The following OTOF variants were observed in gnomAD, a reference collection of about 807,000 sequenced individuals.
OTOF encodes fer-1-like family member 2.
OTOF carries 218 observed loss-of-function variants against 236.8 expected under a neutral mutation model. That is an observed-to-expected ratio of 0.92 (90% CI 0.82 to 1.03). The LOEUF is 1.03. OTOF is among the 50% of genes least tolerant of loss of function. OTOF has a pLI of 0.00. For synonymous variants in OTOF, 1,041 were observed against 1,072.5 expected, an observed-to-expected ratio of 0.97 and a Z score of 0.57; for missense variants, 2,590 against 2,694.4, an observed-to-expected ratio of 0.96 and a Z score of 0.86.
Position 26,473,294 on chromosome 2 carries a change from C to A in OTOF, c.3571G>T (p.Asp1191Tyr), listed in dbSNP as rs772807679. The change falls in exon 29 of 47, where the codon GAC (aspartate) becomes TAC (tyrosine). Residue 1191 changes from aspartate (D) to tyrosine (Y), a missense_variant and splice_region_variant. By Grantham distance (160) the Asp-to-Tyr change is radical (BLOSUM62 -3). Coordinates refer to ENST00000272371, the MANE Select transcript of OTOF (RefSeq NM_194248.3). The surrounding 1 kb of genome is among the most constrained non-coding windows in gnomAD (Gnocchi z 7.2). ...TGCAGCAGCTCGTTCTCTGGGAGGT[C>A]CTGGGGTGTTGGCGACAGGAGCCTG... ...FNTLVKWFEV[D>Y]LPENELLHPP... 8 of 1,613,240 alleles carry A rather than the reference C, an allele frequency of 5.0e-6. No homozygotes were observed. The Admixed American group carries it at 1.3e-4, about 27-fold the overall frequency.
chr2:26,477,352 G>A lies in OTOF; in HGVS notation c.2406+64C>T. On this transcript the variant is annotated intron_variant, in intron 20 of 46. Coordinates refer to ENST00000272371, the MANE Select transcript of OTOF (RefSeq NM_194248.3). The surrounding 1 kb of genome is among the most constrained non-coding windows in gnomAD (Gnocchi z 4.7). ...GGACAGCTCGGGCCATGACAAAGGG[G>A]GTTGTGACACCTTCTCACAACCAGG... The A allele has an allele frequency of 2.5e-6, 4 of 1,582,840 alleles. No homozygotes were observed. Among genetic ancestry groups the A allele is most frequent in the Non-Finnish European group, 3.4e-6 (4 of 1,160,722 alleles).
intron 5 of OTOF, among the ~76,000 whole-genome samples, chr2:26,506,985 GTC>G (rs1666265367): frequency 6.6e-6 from 1 of 152,314 alleles, no homozygotes; most frequent in South Asian, 2.1e-4. Flanking sequence ...GTGAGACTCT[GTC>G]TCAAACAAAC....
rs1665095305 is a variant in OTOF, at chr2:26,473,419, T to C, written c.3557A>G (p.Lys1186Arg). The change falls in exon 28 of 47, where the codon AAG becomes AGG. Residue 1186 changes from lysine to arginine, a missense_variant. Lys to Arg is a conservative substitution (Grantham distance 26, BLOSUM62 2). Coordinates refer to ENST00000272371, the MANE Select transcript of OTOF (RefSeq NM_194248.3). This position sits in a 1 kb window ranked among gnomAD's most constrained non-coding sequence, Gnocchi z 7.2. ...GCCTGCACTCACCACTTCAAACCAC[T>C]TGACGAGGGTGTTGAAGTTGGGGTT... ...KKNPNFNTLV[K>R]WFEVDLPENE... is the part of the protein sequence containing the mutation. 6.2e-7 allele frequency: 1 copy of C among 1,613,418 alleles called. No homozygotes were observed. Among genetic ancestry groups the C allele is most frequent in the Non-Finnish European group, 8.5e-7 (1 of 1,179,984 alleles).
intron 15 of OTOF, 43 bp from the exon 16 acceptor site, chr2:26,480,354 G>T: frequency 8.1e-7 from 1 of 1,235,112 alleles, no homozygotes; most frequent in Non-Finnish European, 1.2e-6. Flanking sequence ...TTGAGTAAGG[G>T]TGGCAGGTCG....
At position 26,482,482 on chromosome 2, in the gene OTOF, G is replaced by C; in HGVS notation, c.1503C>G (p.Asp501Glu). ...LCKRMKVQIRDSDKVNDVAIG... is the reference protein window; with the variant it reads ...LCKRMKVQIRESDKVNDVAIG... ...TGGCCACGTCGTTGACCTTGTCCGA[G>C]TCTCGGATCTGCACCTTCATGCGTT... The change falls in exon 14 of 47, where the codon GAC (aspartate) becomes GAG (glutamate). Residue 501 changes from aspartate (D) to glutamate (E), a missense_variant. Coordinates refer to ENST00000272371, the MANE Select transcript of OTOF (RefSeq NM_194248.3). 6.2e-7 allele frequency: 1 copy of C among 1,613,392 alleles called. No individual in the cohort carries two copies. The highest frequency in any genetic ancestry group is 8.5e-7 in the Non-Finnish European group (1 of 1,180,008).
intron 1 of OTOF, among the ~76,000 whole-genome samples, chr2:26,545,434 T>G (rs1330627507): frequency 6.6e-6 from 1 of 152,214 alleles, no homozygotes; most frequent in Non-Finnish European, 1.5e-5. Flanking sequence ...TGTGAATATT[T>G]TCTTCCTGTG....
At chr2:26,514,655 T>A (rs1162798574) in intron 5 of OTOF, among the ~76,000 whole-genome samples, 1 of 152,214 alleles carries the variant, frequency 6.6e-6, no homozygotes, top group Non-Finnish European at 1.5e-5. Context: ...GGGAGCCAGA[T>A]GTAACTTGCT....
At chr2:26,504,089 G>C (rs1260695238) in intron 5 of OTOF, among the ~76,000 whole-genome samples, 1 of 152,096 alleles carries the variant, frequency 6.6e-6, no homozygotes, top group African/African-American at 2.4e-5. Flanking sequence ...GGAGGAGAGG[G>C]ATGGGGTCCC....
chr2:26,558,636 G>T lies in OTOF; in HGVS notation c.-65C>A. ...GGGAAGGAGCTAGCCGGTGGAGCAC[G>T]GCTCACACGCCTCTCTCTTCTCTGC... On this transcript the variant is annotated 5_prime_UTR_variant, in exon 1 of 47. Transcript: ENST00000272371. The T allele has an allele frequency of 7.4e-7, 1 of 1,345,970 alleles. No individual in the cohort carries two copies. The highest frequency in any genetic ancestry group is 1.1e-6 in the Non-Finnish European group (1 of 938,626). 83.4% of individuals were successfully genotyped at this position (1,345,970 alleles called of 1,614,324 possible). A position where few individuals can be genotyped will look rare whatever the true frequency, so the allele number is the denominator to read the frequency against.
chr2:26,460,304 G>T lies in OTOF; in HGVS notation c.5814-99C>A. 1 of 1,001,048 alleles carries T rather than the reference G, an allele frequency of 1.0e-6. No homozygotes were observed. Among genetic ancestry groups the T allele is most frequent in the Non-Finnish European group, 1.5e-6 (1 of 651,260 alleles). 62.0% of individuals were successfully genotyped at this position (1,001,048 alleles called of 1,614,324 possible). A position where few individuals can be genotyped will look rare whatever the true frequency, so the allele number is the denominator to read the frequency against. ...ACCAAGAGGGAAGCTGTCCTGGGCT[G>T]TGTGTGCAGTTCTAGGCACCCCTCT... On this transcript the variant is annotated intron_variant, in intron 45 of 46. Coordinates refer to ENST00000272371, the MANE Select transcript of OTOF (RefSeq NM_194248.3). This position sits in a 1 kb window ranked among gnomAD's most constrained non-coding sequence, Gnocchi z 5.3.
chr2:26,491,740 G>C (rs1259132679), intron 9 of OTOF, among the ~76,000 whole-genome samples: 1 of 152,194 alleles, frequency 6.6e-6, no homozygotes, highest in African/African-American at 2.4e-5. Context: ...GCTTGTTCCG[G>C]AAGGGCAAAG....
intron 1 of OTOF, among the ~76,000 whole-genome samples, chr2:26,553,740 G>A (rs982026583): frequency 9.2e-5 from 14 of 152,078 alleles, no homozygotes; most frequent in Admixed American, 7.2e-4. Context: ...TCTGAGCTCC[G>A]GGGGCCAACT....
rs376585613 is a variant in OTOF, at chr2:26,460,938, G to T, written c.5626C>A (p.Pro1876Thr). 68 of 1,613,956 alleles carry T rather than the reference G, an allele frequency of 4.2e-5. No homozygotes were observed. Among genetic ancestry groups the T allele is most frequent in the Non-Finnish European group, 5.1e-5 (60 of 1,179,982 alleles). The change falls in exon 44 of 47, where the codon CCC becomes ACC. Residue 1876 changes from proline (P) to threonine (T), a missense_variant. By Grantham distance (38) the Pro-to-Thr change is conservative (BLOSUM62 -1). This residue lies in a region of OTOF where 1,211 missense variants were observed against 1,352.8 expected (regional missense o/e 0.90). Coordinates refer to ENST00000272371, the MANE Select transcript of OTOF (RefSeq NM_194248.3). The surrounding 1 kb of genome is among the most constrained non-coding windows in gnomAD (Gnocchi z 5.3). ...MEMATGEVDV[P>T]LVSIFKQKRV... is the part of the protein sequence containing the mutation. ...TTTTGCTTGAAGATGGACACGAGGG[G>T]CACGTCCACCTCCCCGGTGGCCATC...
In OTOF at chr2:26,537,787, A is replaced by G; in HGVS notation, c.80-13T>C. The stretch of plus-strand genomic sequence containing the variant: ...TAGAAGGATTGCCCTGTGGGGAAAG[A>G]GGAAATAAATTCTAGGGTCAGAGCT... On this transcript the variant is annotated splice_polypyrimidine_tract_variant and intron_variant, in intron 1 of 46. Transcript: ENST00000272371. 1 of 1,548,670 alleles carries G rather than the reference A, an allele frequency of 6.5e-7. No homozygotes were observed. The highest frequency in any genetic ancestry group is 8.7e-7 in the Non-Finnish European group (1 of 1,143,896).
At chr2:26,522,420 T>A (rs1379319759) in intron 3 of OTOF, among the ~76,000 whole-genome samples, 1 of 152,182 alleles carries the variant, frequency 6.6e-6, no homozygotes, top group African/African-American at 2.4e-5. Context: ...CCGTCTTCTA[T>A]AGATATTCTT....
chr2:26,553,960 C>T (rs1278666857), intron 1 of OTOF, among the ~76,000 whole-genome samples: 1 of 152,040 alleles, frequency 6.6e-6, no homozygotes. Context: ...ATCATGAGGT[C>T]AGGAGTTTGA....
Position 26,476,086 on chromosome 2 carries a change from C to T in OTOF, c.2866+42G>A, listed in dbSNP as rs778599438. 5 of 1,611,430 alleles carry T rather than the reference C, an allele frequency of 3.1e-6. No homozygotes were observed. In the African/African-American group the frequency reaches 6.7e-5, roughly 22 times the overall value. On this transcript the variant is annotated intron_variant, in intron 23 of 46. Transcript: ENST00000272371. ...GTTCCAGGATGGGCAGCCCCTCCGG[C>T]CCCCTCCCAGGTGAGGCTTCGAGTG...
chr2:26,474,655 C>T lies in OTOF; in HGVS notation c.3146G>A (p.Gly1049Asp), dbSNP rs1665170131. Residue 1049 changes from glycine to aspartate, a missense_variant, in exon 26 of 47, where the codon GGC becomes GAC. Gly to Asp is a moderately conservative substitution (Grantham distance 94). Coordinates refer to ENST00000272371, the MANE Select transcript of OTOF (RefSeq NM_194248.3). ...QDSMGKADFM[G>D]RTFAKPLVKM... ...CACCAGGGGTTTGGCGAAGGTCCGG[C>T]CCATGAAGTCAGCTTTGCCCTGACG... is the stretch of plus-strand genomic sequence containing the variant. 6.2e-7 allele frequency: 1 copy of T among 1,613,332 alleles called. No individual in the cohort carries two copies. The highest frequency in any genetic ancestry group is 1.3e-5 in the African/African-American group (1 of 75,048).
chr2:26,475,724 C>A (rs981232616), intron 24 of OTOF, among the ~76,000 whole-genome samples, 190 bp downstream of exon 24: 1 of 152,166 alleles, frequency 6.6e-6, no homozygotes, highest in East Asian at 1.9e-4. Context: ...AGCTAAAGCC[C>A]GTAGCCTTTC....
Sources: gnomAD v4.1 joint callset for allele counts (sites outside exome capture counted in the v4.1 genomes callset) on GRCh38, gnomAD v4.1.1 for gene constraint, gnomAD v4.1.1 regional missense constraint, Gnocchi (gnomAD v3.1) non-coding constraint, MANE v1.5 for transcripts, NCBI Gene and HGNC (gene_info 2026-07-23, HGNC 2026-07-21) for gene names.